OTOF: variants seen among roughly 807,000 people sequenced by gnomAD.
OTOF encodes the protein fer-1-like family member 2.
Under a neutral mutation model 236.8 loss-of-function variants are expected in OTOF, and 218 were observed. The ratio of observed to expected loss-of-function variants is 0.92; its 90% confidence interval spans 0.82 to 1.03. The LOEUF (loss-of-function observed/expected upper bound fraction) is 1.03, where lower values mean the gene tolerates loss of function less well. Among genes scored for constraint, OTOF ranks in the 50% least tolerant of loss-of-function variants. The pLI is 0.00. For synonymous variants in OTOF, 1,041 were observed against 1,072.5 expected, an observed-to-expected ratio of 0.97 and a Z score of 0.57; for missense variants, 2,590 against 2,694.4, an observed-to-expected ratio of 0.96 and a Z score of 0.86.
At chr2:26,547,901 T>C (rs1309842387) in intron 1 of OTOF, among the ~76,000 whole-genome samples, 2 of 152,212 alleles carry the variant, frequency 1.3e-5, no homozygotes, top group Non-Finnish European at 2.9e-5. Context: ...GATCTGAAGT[T>C]TTCTTTGTGG....
intron 4 of OTOF, among the ~76,000 whole-genome samples, chr2:26,517,820 T>C (rs1666573341): frequency 6.6e-6 from 1 of 152,206 alleles, no homozygotes; most frequent in Non-Finnish European, 1.5e-5. Flanking sequence ...TGCTGACATC[T>C]TAAGTCTGAT....
intron 38 of OTOF, among the ~76,000 whole-genome samples, 188 bp downstream of exon 38, chr2:26,465,484 C>A (rs1303843679): frequency 3.3e-5 from 5 of 152,238 alleles, no homozygotes; most frequent in Non-Finnish European, 1.5e-5. Context: ...TCCACTGTCC[C>A]TCTCCTTGTT....
At chr2:26,458,282 C>T in intron 46 of OTOF, 62 bp from the exon 47 acceptor site, 2 of 1,500,978 alleles carry the variant, frequency 1.3e-6, no homozygotes, top group African/African-American at 1.4e-5. Flanking sequence ...CAGTGCACCC[C>T]ATCCTCTGTC....
At chr2:26,475,265 G>A in intron 25 of OTOF, 94 bp downstream of exon 25, 1 of 1,422,646 alleles carries the variant, frequency 7.0e-7, no homozygotes, top group Non-Finnish European at 9.9e-7. Flanking sequence ...GTGGGTGGCG[G>A]AGGTGAGGGC....
At chr2:26,555,867 A>C (rs2148140753) in intron 1 of OTOF, among the ~76,000 whole-genome samples, 1 of 152,266 alleles carries the variant, frequency 6.6e-6, no homozygotes. Flanking sequence ...TCTTCCCACA[A>C]ACTCTTCCAT....
At chr2:26,550,421 C>T (rs553018723) in intron 1 of OTOF, among the ~76,000 whole-genome samples, 2 of 152,196 alleles carry the variant, frequency 1.3e-5, no homozygotes, top group Admixed American at 1.3e-4. Flanking sequence ...GTTCCTTGCT[C>T]CCACTTCTAT....
At chr2:26,467,026 G>C in intron 35 of OTOF, 73 bp downstream of exon 35, 2 of 1,585,290 alleles carry the variant, frequency 1.3e-6, no homozygotes, top group South Asian at 1.1e-5. Context: ...AGTGGTGGGA[G>C]GTGAGTGGGG....
At chr2:26,511,647 T>C in intron 5 of OTOF, among the ~76,000 whole-genome samples, 1 of 152,172 alleles carries the variant, frequency 6.6e-6, no homozygotes, top group Non-Finnish European at 1.5e-5. Flanking sequence ...CAGTCTGTAA[T>C]TCAAAGGTGT....
chr2:26,532,106 A>AAAAAAAAAAAAAAAC (rs1666964654), intron 2 of OTOF, among the ~76,000 whole-genome samples: 1 of 150,542 alleles, frequency 6.6e-6, no homozygotes, highest in African/African-American at 2.5e-5. Context: ...AAAAAAAAAA[A>AAAAAAAAAAAAAAAC]AAAAAAAAAG....
intron 11 of OTOF, among the ~76,000 whole-genome samples, chr2:26,488,755 C>T (rs1444732099): frequency 3.3e-5 from 5 of 152,184 alleles, no homozygotes; most frequent in African/African-American, 4.8e-5. Context: ...TAAAAGGGGA[C>T]GGCAGGGTCC....
intron 18 of OTOF, 116 bp downstream of exon 18, chr2:26,479,147 TG>T: frequency 1.5e-6 from 2 of 1,347,460 alleles, no homozygotes; most frequent in Non-Finnish European, 2.1e-6. Flanking sequence ...GAGGTCCTGC[TG>T]GGGCCGTTCC....
chr2:26,533,758 A>G (rs1352567797), intron 2 of OTOF, among the ~76,000 whole-genome samples: 1 of 152,118 alleles, frequency 6.6e-6, no homozygotes, highest in Non-Finnish European at 1.5e-5. Flanking sequence ...GACAGGTGCC[A>G]GTCCTAGTGA....
At chr2:26,549,290 T>C (rs1667404289) in intron 1 of OTOF, among the ~76,000 whole-genome samples, 1 of 152,372 alleles carries the variant, frequency 6.6e-6, no homozygotes, top group South Asian at 2.1e-4. Context: ...ACTTGTCTAA[T>C]TGCCCATATC....
At chr2:26,526,112 A>G (rs1170143902) in intron 3 of OTOF, among the ~76,000 whole-genome samples, 1 of 107,038 alleles carries the variant, frequency 9.3e-6, no homozygotes, top group Non-Finnish European at 2.2e-5. Flanking sequence ...AAAAAGGAAA[A>G]GAAAAAAGGT....
At chr2:26,493,842 G>T (rs1050448648) in intron 9 of OTOF, among the ~76,000 whole-genome samples, 5 of 152,200 alleles carry the variant, frequency 3.3e-5, no homozygotes, top group African/African-American at 9.6e-5. Context: ...ATGGGGAAGT[G>T]GGGGAGGGAC....
chr2:26,554,580 C>T (rs1258564401), intron 1 of OTOF, among the ~76,000 whole-genome samples: 1 of 144,714 alleles, frequency 6.9e-6, no homozygotes, highest in Non-Finnish European at 1.5e-5. Flanking sequence ...ACTACTCCTT[C>T]ATGGAGGAGG....
At chr2:26,502,253 C>T in intron 7 of OTOF, 47 bp downstream of exon 7, 1 of 1,611,206 alleles carries the variant, frequency 6.2e-7, no homozygotes, top group Non-Finnish European at 8.5e-7. Context: ...CAGGTCCTGC[C>T]TGACAGGGTG....
chr2:26,516,632 G>A, intron 4 of OTOF, 33 bp from the exon 5 acceptor site: 1 of 1,597,576 alleles, frequency 6.3e-7, no homozygotes, highest in East Asian at 2.2e-5. Flanking sequence ...GAGCAGCTGG[G>A]ATGGTGACAG....
Position 26,557,311 on chromosome 2 carries a change from T to C in OTOF, c.79+1182A>G, listed in dbSNP as rs185380671. On this transcript the variant is annotated intron_variant, in intron 1 of 46. Transcript: ENST00000272371. ...TCTCTGCCCCCTTCTCACCACCTCGTCCCCATCCCACTCTCAGACCCCTCT... is the reference window on the plus strand; with the variant it reads ...TCTCTGCCCCCTTCTCACCACCTCGCCCCCATCCCACTCTCAGACCCCTCT... Among the ~76,000 whole-genome samples, 83 of 152,178 alleles carry C rather than the reference T, an allele frequency of 5.5e-4. 1 individual carries two copies. In the East Asian group the frequency reaches 0.013, roughly 24 times the overall value.
Sources: allele counts gnomAD v4.1 joint callset (sites outside exome capture counted in the v4.1 genomes callset), GRCh38; gene constraint gnomAD v4.1.1; transcripts MANE v1.5; gene names NCBI Gene and HGNC (gene_info 2026-07-23, HGNC 2026-07-21).